Variants in CD163L1 observed in about 807,000 individuals in gnomAD.
The protein encoded by CD163L1 is scavenger receptor cysteine-rich type 1 protein M160.
CD163L1 carries 124 observed loss-of-function variants against 165.4 expected under a neutral mutation model. The observed-to-expected ratio is 0.75, with a 90% CI of 0.65 to 0.87. The LOEUF (loss-of-function observed/expected upper bound fraction) is 0.87, where lower values mean the gene tolerates loss of function less well. CD163L1 is among the 40% of genes least tolerant of loss of function. CD163L1 has a pLI of 0.00. For missense variants in CD163L1, 1,525 were observed against 1,799.9 expected (o/e 0.85, Z 2.76); for synonymous variants, 585 against 662.2 (o/e 0.88, Z 1.79).
chr12:7,348,017 C>G (rs1946681709), intron 4 of CD163L1, among the ~76,000 whole-genome samples: 1 of 152,148 alleles, frequency 6.6e-6, no homozygotes, highest in African/African-American at 2.4e-5. Context: ...TTTCAAACCT[C>G]ATTGTTAAAA....
chr12:7,380,006 T>C (rs1303840333), intron 8 of CD163L1, among the ~76,000 whole-genome samples: 1 of 151,996 alleles, frequency 6.6e-6, no homozygotes, highest in East Asian at 1.9e-4. Flanking sequence ...TTTTCATGGA[T>C]GCAGTGGAAA....
Position 7,368,715 on chromosome 12 carries a change from GAGTCTT to G in CD163L1, c.4072+212_4072+217del. The stretch of plus-strand genomic sequence containing the variant: ...AAGATTATCTATGAGGGTACCATGA[GAGTCTT>G]ATCCTTCTCTGCATGTAAAAAGGAT... On this transcript the variant is annotated intron_variant, in intron 16 of 19. Transcript: ENST00000313599. This position sits in a 1 kb window ranked among gnomAD's most constrained non-coding sequence, Gnocchi z 4.3. The G allele has an allele frequency of 1.9e-6, 1 of 535,296 alleles. No individual in the cohort carries two copies. The allele number at this position is 535,296 out of a possible 1,614,324, so 33.2% of individuals were successfully genotyped here.
chr12:7,348,662 C>A (rs1946686920), intron 4 of CD163L1, among the ~76,000 whole-genome samples: 1 of 152,134 alleles, frequency 6.6e-6, no homozygotes, highest in African/African-American at 2.4e-5. Context: ...ATAGTACTTA[C>A]TTCACAGAGT....
Position 7,379,061 on chromosome 12 carries a change from TC to T in CD163L1, c.2287del (p.Glu763LysfsTer19). 1.2e-6 allele frequency: 2 copies of T among 1,614,096 alleles called. No homozygotes were observed. Among genetic ancestry groups the T allele is most frequent in the Non-Finnish European group, 1.7e-6 (2 of 1,179,964 alleles). On this transcript the variant is annotated frameshift_variant, in exon 9 of 20. Coordinates refer to ENST00000313599, the MANE Select transcript of CD163L1 (RefSeq NM_174941.6). LOFTEE classifies it high-confidence loss of function. Reference protein sequence around the residue: ...LMSNSGCTGGEASLWDCIRWE... With the variant: ...LMSNSGCTGGXASLWDCIRWE... ...TCGTATACAATCCCAGAGAGAGGCT[TC>T]CCCTCCAGTGCAGCCAGAATTCGAC...
At chr12:7,428,006 C>G (rs1948572908) in intron 4 of CD163L1, among the ~76,000 whole-genome samples, 1 of 152,158 alleles carries the variant, frequency 6.6e-6, no homozygotes, top group Non-Finnish European at 1.5e-5. Flanking sequence ...TAATTTGAAG[C>G]TTTGTTTATA....
intron 8 of CD163L1, among the ~76,000 whole-genome samples, chr12:7,390,070 T>C (rs1219864836): frequency 6.6e-6 from 1 of 150,954 alleles, no homozygotes; most frequent in Non-Finnish European, 1.5e-5. Flanking sequence ...GATGACATTA[T>C]GTTATGCAGA....
intron 1 of CD163L1, among the ~76,000 whole-genome samples, chr12:7,442,070 A>G (rs1186376122): frequency 1.3e-5 from 2 of 152,228 alleles, no homozygotes; most frequent in Non-Finnish European, 2.9e-5. Flanking sequence ...AATTTACATT[A>G]TAGAAAGATT....
At chr12:7,387,705 AG>A (rs1234198794) in intron 8 of CD163L1, among the ~76,000 whole-genome samples, 1 of 152,202 alleles carries the variant, frequency 6.6e-6, no homozygotes, top group East Asian at 1.9e-4. Flanking sequence ...ATGCTTGTTC[AG>A]TATTCAGACT....
chr12:7,427,526 A>G (rs1948565554), intron 4 of CD163L1, among the ~76,000 whole-genome samples: 2 of 152,120 alleles, frequency 1.3e-5, no homozygotes, highest in African/African-American at 4.8e-5. Flanking sequence ...AATGAGTGGG[A>G]AGAAACTTTG....
In CD163L1 at chr12:7,365,700, A is replaced by G. The variant is rs576703748; in HGVS notation, c.4279+1536T>C. ...ATAATCAGAGAAACATAACTCAAAA[A>G]GAAAATGAGATATCATCATACCTCA... On this transcript the variant is annotated intron_variant, in intron 18 of 19. Coordinates refer to ENST00000313599, the MANE Select transcript of CD163L1 (RefSeq NM_174941.6). Among the ~76,000 whole-genome samples the G allele has an allele frequency of 5.1e-4, 78 of 152,244 alleles. 2 individuals are homozygous for G. In the South Asian group the frequency reaches 8.5e-3, roughly 17 times the overall value.
At chr12:7,421,468 T>TATGTACATATATAC (rs1555202361) in intron 4 of CD163L1, among the ~76,000 whole-genome samples, 8 of 93,390 alleles carry the variant, frequency 8.6e-5, no homozygotes, top group Non-Finnish European at 1.3e-4. Flanking sequence ...TATATACATA[T>TATGTACATATATAC]ATATACATAT....
At chr12:7,405,747 G>A (rs758885628) in intron 5 of CD163L1, among the ~76,000 whole-genome samples, 39 of 152,102 alleles carry the variant, frequency 2.6e-4, no homozygotes, top group Non-Finnish European at 2.2e-4. Flanking sequence ...AATAATTTAC[G>A]AAAGAAGCCT....
At chr12:7,438,884 C>T in intron 2 of CD163L1, 1 of 1,589,932 alleles carries the variant, frequency 6.3e-7, no homozygotes, top group Non-Finnish European at 8.6e-7. Flanking sequence ...CTCTGCAGCA[C>T]TTTTGCCTCT....
intron 2 of CD163L1, chr12:7,439,787 TTA>T (rs1211803653): frequency 1.2e-6 from 2 of 1,613,664 alleles, no homozygotes; most frequent in Admixed American, 3.3e-5. Flanking sequence ...CCCTCGATCT[TTA>T]TGTCCAGGAT....
intron 8 of CD163L1, among the ~76,000 whole-genome samples, chr12:7,389,960 T>TTATATATATATTTA (rs1947613217): frequency 2.2e-5 from 3 of 135,964 alleles, no homozygotes; most frequent in African/African-American, 8.4e-5. Context: ...ATATATATAT[T>TTATATATATATTTA]TATATATATA....
At chr12:7,380,361 A>ACGCGTATACATACATGTATGTGTGTATG (rs1565784256) in intron 8 of CD163L1, among the ~76,000 whole-genome samples, 1 of 147,802 alleles carries the variant, frequency 6.8e-6, no homozygotes, top group African/African-American at 2.6e-5. Flanking sequence ...ATGTGTGTAT[A>ACGCGTATACATACATGTATGTGTGTATG]CGCGTATACA....
the CD163L1 span, chr12:7,323,447 C>A: frequency 1.2e-6 from 2 of 1,612,554 alleles, no homozygotes; most frequent in South Asian, 1.1e-5. Context: ...TCAATTATTT[C>A]TTTCATTCCA....
chr12:7,437,684 TTTTGACAC>T (rs1308364676), intron 2 of CD163L1, among the ~76,000 whole-genome samples: 4 of 151,774 alleles, frequency 2.6e-5, no homozygotes, highest in Admixed American at 2.6e-4. Context: ...TTTTTTTTTT[TTTTGACAC>T]TGTATATTTA....
At chr12:7,441,634 T>G (rs1218940016) in intron 1 of CD163L1, among the ~76,000 whole-genome samples, 2 of 152,358 alleles carry the variant, frequency 1.3e-5, no homozygotes, top group South Asian at 2.1e-4. Flanking sequence ...CCCCCTACTT[T>G]GTTCATTCAT....
Sources: allele counts gnomAD v4.1 joint callset (sites outside exome capture counted in the v4.1 genomes callset), GRCh38; gene constraint gnomAD v4.1.1; non-coding constraint Gnocchi (gnomAD v3.1); transcripts MANE v1.5; gene names NCBI Gene and HGNC (gene_info 2026-07-23, HGNC 2026-07-21).